Variants in PPP1R9A observed in about 807,000 individuals in gnomAD.
The protein encoded by PPP1R9A is protein phosphatase 1 regulatory subunit 9A, also known as neurabin-1.
In PPP1R9A, 59 loss-of-function variants were observed where a neutral mutation model predicts 141.9. The ratio of observed to expected loss-of-function variants is 0.42; its 90% CI spans 0.34 to 0.52. The LOEUF is 0.52. PPP1R9A is among the 20% of genes least tolerant of loss of function. The probability of loss-of-function intolerance (pLI) is 0.10; values close to 1 mark genes in which losing one functional copy is unlikely to be tolerated. For synonymous variants in PPP1R9A, 500 were observed against 569.7 expected, an observed-to-expected ratio of 0.88 and a Z score of 1.74; for missense variants, 1,444 against 1,611.9, an observed-to-expected ratio of 0.90 and a Z score of 1.78.
chr7:95,251,128 C>T (rs1398046672), intron 10 of PPP1R9A, among the ~76,000 whole-genome samples: 1 of 152,140 alleles, frequency 6.6e-6, no homozygotes, highest in African/African-American at 2.4e-5. Context: ...AGTAATTATT[C>T]TCTGTGACTA....
Position 95,279,632 on chromosome 7 carries a change from T to G in PPP1R9A, c.3297-4386T>G, listed in dbSNP as rs112707629. On this transcript the variant is annotated intron_variant, in intron 16 of 19. Coordinates refer to ENST00000433360, the MANE Select transcript of PPP1R9A (RefSeq NM_001166160.2). ...CCATACTTAAAAAAGCTCTTGAAAA[T>G]CTAATAAGTTACTGTTTAACTGTAG... Among the ~76,000 whole-genome samples, 801 of 152,238 alleles carry G rather than the reference T, an allele frequency of 5.3e-3. 5 individuals are homozygous for G. The highest frequency in any genetic ancestry group is 0.018 in the African/African-American group (761 of 41,524).
chr7:95,253,839 A>T (rs1485865196), intron 12 of PPP1R9A, among the ~76,000 whole-genome samples: 1 of 152,046 alleles, frequency 6.6e-6, no homozygotes, highest in Non-Finnish European at 1.5e-5. Flanking sequence ...TTTAATTTTT[A>T]AAAAATTATA....
chr7:95,286,984 C>A, intron 18 of PPP1R9A: 1 of 968,046 alleles, frequency 1.0e-6, no homozygotes, highest in Non-Finnish European at 1.5e-6. Context: ...TTCTTGTAAG[C>A]TTTTCTGCCC....
At chr7:95,239,025 C>A (rs190733671) in intron 8 of PPP1R9A, among the ~76,000 whole-genome samples, 1 of 152,042 alleles carries the variant, frequency 6.6e-6, no homozygotes, top group East Asian at 1.9e-4. Flanking sequence ...TACATTGAGG[C>A]CAGATAATAG....
At chr7:95,271,635 C>A (rs1475347258) in intron 14 of PPP1R9A, among the ~76,000 whole-genome samples, 1 of 152,126 alleles carries the variant, frequency 6.6e-6, no homozygotes, top group Non-Finnish European at 1.5e-5. Flanking sequence ...TATCTTATTA[C>A]AGTGAGATTA....
At chr7:95,042,705 C>G (rs548840900) in intron 2 of PPP1R9A, among the ~76,000 whole-genome samples, 1 of 152,012 alleles carries the variant, frequency 6.6e-6, no homozygotes, top group Non-Finnish European at 1.5e-5. Context: ...AACTTCTTGT[C>G]GATGTTGAAT....
chr7:95,076,991 T>C (rs1292591262), intron 2 of PPP1R9A, among the ~76,000 whole-genome samples: 1 of 152,120 alleles, frequency 6.6e-6, no homozygotes, highest in Non-Finnish European at 1.5e-5. Context: ...TTATTTTTTT[T>C]CTTGTCTGAT....
intron 5 of PPP1R9A, among the ~76,000 whole-genome samples, chr7:95,165,774 C>A (rs867428600): frequency 2.0e-5 from 3 of 152,102 alleles, no homozygotes; most frequent in Admixed American, 1.3e-4. Flanking sequence ...CCAAAGAGAT[C>A]TTACAGTGAT....
chr7:94,990,162 C>T (rs1040763270), intron 2 of PPP1R9A, among the ~76,000 whole-genome samples: 4 of 151,996 alleles, frequency 2.6e-5, no homozygotes, highest in African/African-American at 9.7e-5. Flanking sequence ...TTAGTTTATT[C>T]CCTTTTTGTA....
intron 2 of PPP1R9A, among the ~76,000 whole-genome samples, chr7:94,979,461 A>G (rs1170528000): frequency 1.3e-5 from 2 of 152,230 alleles, no homozygotes; most frequent in Non-Finnish European, 2.9e-5. Context: ...TACAAAAGAT[A>G]ATAAGCACTA....
intron 2 of PPP1R9A, among the ~76,000 whole-genome samples, chr7:95,029,022 G>T (rs1563141494): frequency 1.3e-5 from 2 of 152,060 alleles, no homozygotes; most frequent in South Asian, 4.1e-4. Flanking sequence ...TGTTTTTGGT[G>T]CATATGTCAC....
intron 2 of PPP1R9A, among the ~76,000 whole-genome samples, chr7:95,010,945 G>T (rs755399739): frequency 1.3e-5 from 2 of 152,138 alleles, no homozygotes; most frequent in Non-Finnish European, 2.9e-5. Flanking sequence ...GGTATTGCAC[G>T]TAGAAAGTAG....
intron 7 of PPP1R9A, among the ~76,000 whole-genome samples, chr7:95,206,552 G>A (rs1790834700): frequency 6.6e-6 from 1 of 151,974 alleles, no homozygotes; most frequent in South Asian, 2.1e-4. Flanking sequence ...CAAGATACAA[G>A]ACATTTTTAT....
At chr7:95,015,081 G>A (rs2151657393) in intron 2 of PPP1R9A, among the ~76,000 whole-genome samples, 1 of 151,944 alleles carries the variant, frequency 6.6e-6, no homozygotes, top group East Asian at 1.9e-4. Context: ...TTTTTCCAAG[G>A]AGCTATAGTT....
At chr7:95,203,521 TA>T (rs1790035519) in intron 6 of PPP1R9A, 143 bp from the exon 7 acceptor site, 1 of 520,566 alleles carries the variant, frequency 1.9e-6, no homozygotes, top group African/African-American at 1.9e-5. Flanking sequence ...GGGCATTTTT[TA>T]CCAACATGCC....
chr7:95,098,244 G>A (rs540594421), intron 2 of PPP1R9A: 2 of 152,324 alleles, frequency 1.3e-5, no homozygotes, highest in Admixed American at 1.3e-4. Context: ...TGCAGTGGCA[G>A]TATCACAGCA....
intron 16 of PPP1R9A, among the ~76,000 whole-genome samples, chr7:95,280,128 C>G (rs1803916610): frequency 6.6e-6 from 1 of 152,176 alleles, no homozygotes; most frequent in Non-Finnish European, 1.5e-5. Flanking sequence ...CCATTAGGGT[C>G]TCTAGATCCC....
chr7:95,191,945 G>A lies in PPP1R9A; in HGVS notation c.1755-6404G>A, dbSNP rs143714931. ...AATGTATAAGATATGAATCATAGTT[G>A]TGCAGAAATATCAATTGATTTGGTC... On this transcript the variant is annotated intron_variant, in intron 5 of 19. Coordinates refer to ENST00000433360, the MANE Select transcript of PPP1R9A (RefSeq NM_001166160.2). 2.0e-5 allele frequency among the ~76,000 whole-genome samples: 3 copies of A among 152,114 alleles called. No homozygotes were observed. The East Asian group carries it at 5.8e-4, about 29-fold the overall frequency.
intron 2 of PPP1R9A, among the ~76,000 whole-genome samples, chr7:95,069,501 A>G (rs918314041): frequency 6.6e-6 from 1 of 151,906 alleles, no homozygotes; most frequent in African/African-American, 2.4e-5. Context: ...GAAAGGAAAA[A>G]TCAGGACACT....
Sources: allele counts gnomAD v4.1 joint callset (sites outside exome capture counted in the v4.1 genomes callset), GRCh38; gene constraint gnomAD v4.1.1; transcripts MANE v1.5; gene names NCBI Gene and HGNC (gene_info 2026-07-23, HGNC 2026-07-21).